CCKBR: variants seen among roughly 807,000 people sequenced by gnomAD.
The protein encoded by CCKBR is cholecystokinin B receptor.
In CCKBR, 33 loss-of-function variants were observed where a neutral mutation model predicts 34.6. The ratio of observed to expected loss-of-function variants is 0.95; its 90% CI spans 0.72 to 1.27. The LOEUF (loss-of-function observed/expected upper bound fraction) is 1.27. Among genes scored for constraint, CCKBR ranks in the 50% most tolerant of loss-of-function variants. CCKBR has a pLI of 0.00. For synonymous variants in CCKBR, 269 were observed against 267.5 expected (o/e 1.01, Z -0.06); for missense variants, 652 against 617.4 (o/e 1.06, Z -0.59).
intron 1 of CCKBR, among the ~76,000 whole-genome samples, chr11:6,261,462 T>TATATATATATATATACACAC (rs764173521): frequency 3.1e-5 from 2 of 64,006 alleles, no homozygotes; most frequent in African/African-American, 1.2e-4. Flanking sequence ...AAAATATATA[T>TATATATATATATATACACAC]ACACACACAC....
intron 4 of CCKBR, 89 bp downstream of exon 4, chr11:6,270,892 G>A (rs751893193): frequency 1.2e-6 from 2 of 1,611,210 alleles, no homozygotes; most frequent in Non-Finnish European, 1.7e-6. Flanking sequence ...CTGAAATGAA[G>A]GTGAGGGTGA....
chr11:6,261,467 A>G (rs1450428932), intron 1 of CCKBR, among the ~76,000 whole-genome samples: 19 of 119,184 alleles, frequency 1.6e-4, no homozygotes, highest in African/African-American at 4.6e-4. Context: ...ATATATACAC[A>G]CACACACACA....
In CCKBR at chr11:6,271,817, T is replaced by C; in HGVS notation, c.*274T>C. 1 of 428,744 alleles carries C rather than the reference T, an allele frequency of 2.3e-6. No individual in the cohort carries two copies. Among genetic ancestry groups the C allele is most frequent in the Non-Finnish European group, 4.1e-6 (1 of 241,528 alleles). 26.6% of individuals were successfully genotyped at this position (428,744 alleles called of 1,614,324 possible). On this transcript the variant is annotated 3_prime_UTR_variant, in exon 5 of 5. Transcript: ENST00000334619. ...ACACAGCGTCCCTAGCAGTGAACTA[T>C]TTCTACACAGTGGGAACTCTGACAA...
At chr11:6,269,363 A>C (rs1364122609) in intron 1 of CCKBR, among the ~76,000 whole-genome samples, 4 of 152,136 alleles carry the variant, frequency 2.6e-5, no homozygotes, top group African/African-American at 7.2e-5. Flanking sequence ...TTGTAATGGA[A>C]TGAAGAGTAA....
At chr11:6,266,882 C>T (rs7104663) in intron 1 of CCKBR, among the ~76,000 whole-genome samples, 33,107 of 152,108 alleles carry the variant, frequency 0.22, 3,712 homozygotes, top group Middle Eastern at 0.31. Context: ...CTAGGCTATA[C>T]GGTATAGCCT....
Position 6,271,554 on chromosome 11 carries a change from G to A in CCKBR, c.*11G>A, listed in dbSNP as rs1355484681. On this transcript the variant is annotated 3_prime_UTR_variant, in exon 5 of 5. Transcript: ENST00000334619. Reference sequence around the variant, plus strand: ...CTGGGCCCTGGCTGAGGAGTAGAGGGGCCGTGGGGGTTGAGGCAGGGCAAA... The same window carrying A: ...CTGGGCCCTGGCTGAGGAGTAGAGGAGCCGTGGGGGTTGAGGCAGGGCAAA... The A allele has an allele frequency of 4.5e-6, 7 of 1,569,948 alleles. No individual in the cohort carries two copies. The highest frequency in any genetic ancestry group is 2.3e-5 in the East Asian group (1 of 44,424).
intron 1 of CCKBR, 23 bp downstream of exon 1, chr11:6,260,102 C>A (rs780613205): frequency 9.6e-6 from 15 of 1,568,960 alleles, no homozygotes; most frequent in Middle Eastern, 1.7e-4. Context: ...CTCAGCCCCC[C>A]CCACAAGCTA....
At chr11:6,267,547 C>T (rs1320095968) in intron 1 of CCKBR, among the ~76,000 whole-genome samples, 2 of 152,070 alleles carry the variant, frequency 1.3e-5, no homozygotes, top group Non-Finnish European at 2.9e-5. Context: ...CTTAAAGGAC[C>T]TGCCTGAGTC....
chr11:6,268,338 C>G (rs1424401148), intron 1 of CCKBR, among the ~76,000 whole-genome samples: 3 of 152,176 alleles, frequency 2.0e-5, no homozygotes, highest in Non-Finnish European at 4.4e-5. Flanking sequence ...GTCCCCTGCC[C>G]TCTCTACCTT....
chr11:6,268,564 C>T lies in CCKBR; in HGVS notation c.152-1105C>T, dbSNP rs192389619. ...CTATGAGCTCCAACAGCACCTTATA[C>T]ATCCTTCAGCCTCACTCCTTATCAC... On this transcript the variant is annotated intron_variant, in intron 1 of 4. Transcript: ENST00000334619. 6.9e-4 allele frequency among the ~76,000 whole-genome samples: 105 copies of T among 152,332 alleles called. 1 individual carries two copies. The highest frequency in any genetic ancestry group is 8.5e-4 in the Admixed American group (13 of 15,300).
intron 1 of CCKBR, among the ~76,000 whole-genome samples, chr11:6,268,963 G>A (rs191735443): frequency 2.4e-3 from 362 of 152,100 alleles, no homozygotes; most frequent in Non-Finnish European, 3.1e-3. Context: ...AGAGTATTCC[G>A]GTCTGAGAAA....
intron 1 of CCKBR, among the ~76,000 whole-genome samples, chr11:6,261,462 T>TATACACACACAC (rs764173521): frequency 1.6e-4 from 10 of 63,998 alleles, no homozygotes; most frequent in African/African-American, 4.8e-4. Flanking sequence ...AAAATATATA[T>TATACACACACAC]ACACACACAC....
rs201877386 is a variant in CCKBR, at chr11:6,269,772, G to A, written c.255G>A (p.Leu85=). The change falls in exon 2 of 5, where the codon CTG becomes CTA. Residue 85 remains leucine (L), a synonymous_variant. Coordinates refer to ENST00000334619, the MANE Select transcript of CCKBR (RefSeq NM_176875.4). ...IIVVLGLSRR[L]RTVTNAFLLS... is the part of the protein sequence containing the mutation. The stretch of plus-strand genomic sequence containing the variant: ...TGGTCCTGGGACTGAGCCGCCGCCT[G>A]AGGACTGTCACCAATGCCTTCCTCC... 30 of 1,614,064 alleles carry A rather than the reference G, an allele frequency of 1.9e-5. No individual in the cohort carries two copies. The highest frequency in any genetic ancestry group is 1.1e-5 in the South Asian group (1 of 91,078).
At chr11:6,262,726 A>AGAGAGAGAGAGAGAG (rs1554919173) in intron 1 of CCKBR, among the ~76,000 whole-genome samples, 1 of 112,516 alleles carries the variant, frequency 8.9e-6, no homozygotes, top group African/African-American at 3.7e-5. Context: ...GAGAGAGAGA[A>AGAGAGAGAGAGAGAG]AGAAAAGCAG....
At position 6,269,849 on chromosome 11, in the gene CCKBR, C is replaced by A; in HGVS notation, c.332C>A (p.Thr111Asn). ...CTGGCTGTGGCTTGCATGCCCTTCA[C>A]CCTCCTGCCCAATCTCATGGGCACA... Reference protein sequence around the residue: ...LLLAVACMPFTLLPNLMGTFI... With the variant: ...LLLAVACMPFNLLPNLMGTFI... Residue 111 changes from threonine to asparagine, a missense_variant, in exon 2 of 5, where the codon ACC becomes AAC. By Grantham distance (65) the Thr-to-Asn change is moderately conservative (BLOSUM62 0). Coordinates refer to ENST00000334619, the MANE Select transcript of CCKBR (RefSeq NM_176875.4). The A allele has an allele frequency of 6.2e-7, 1 of 1,614,136 alleles. No individual in the cohort carries two copies. Among genetic ancestry groups the A allele is most frequent in the Non-Finnish European group, 8.5e-7 (1 of 1,180,004 alleles).
chr11:6,269,843 C>G lies in CCKBR; in HGVS notation c.326C>G (p.Pro109Arg). 6.2e-7 allele frequency: 1 copy of G among 1,614,100 alleles called. No individual in the cohort carries two copies. The highest frequency in any genetic ancestry group is 8.5e-7 in the Non-Finnish European group (1 of 1,179,998). Residue 109 changes from proline (P) to arginine (R), a missense_variant, in exon 2 of 5, where the codon CCC (proline) becomes CGC (arginine). Physicochemically the swap from Pro to Arg is moderately radical, Grantham distance 103. Coordinates refer to ENST00000334619, the MANE Select transcript of CCKBR (RefSeq NM_176875.4). ...CTCCTGCTGGCTGTGGCTTGCATGC[C>G]CTTCACCCTCCTGCCCAATCTCATG... ...SDLLLAVACM[P>R]FTLLPNLMGT...
chr11:6,261,077 T>G (rs942881007), intron 1 of CCKBR, among the ~76,000 whole-genome samples: 2 of 152,156 alleles, frequency 1.3e-5, no homozygotes, highest in Non-Finnish European at 2.9e-5. Flanking sequence ...ATCCAAGTAT[T>G]TATTTACCCC....
At chr11:6,266,103 CAG>C (rs1193293674) in intron 1 of CCKBR, among the ~76,000 whole-genome samples, 1 of 152,042 alleles carries the variant, frequency 6.6e-6, no homozygotes, top group Non-Finnish European at 1.5e-5. Context: ...GTGGGGAAGA[CAG>C]AGAATTACAT....
intron 1 of CCKBR, chr11:6,264,737 A>ACACACACACACATG (rs6144195): frequency 2.6e-5 from 13 of 508,834 alleles, no homozygotes; most frequent in African/African-American, 2.3e-4. Flanking sequence ...ACACACACAC[A>ACACACACACACATG]CACACACGCA....
Sources: gnomAD v4.1 joint callset for allele counts (sites outside exome capture counted in the v4.1 genomes callset) on GRCh38, gnomAD v4.1.1 for gene constraint, MANE v1.5 for transcripts, NCBI Gene and HGNC (gene_info 2026-07-23, HGNC 2026-07-21) for gene names.